PARD3B: variants seen among roughly 807,000 people sequenced by gnomAD.
PARD3B encodes par-3 family cell polarity regulator beta.
A neutral mutation model predicts 130.2 loss-of-function variants in PARD3B; 103 were observed. The ratio of observed to expected loss-of-function variants is 0.79; its 90% CI spans 0.67 to 0.93. The LOEUF is 0.93. PARD3B is among the 40% of genes least tolerant of loss of function. The probability of loss-of-function intolerance (pLI) is 0.00; values close to 1 mark genes in which losing one functional copy is unlikely to be tolerated. For synonymous variants in PARD3B, 583 were observed against 553.2 expected (o/e 1.05, Z -0.76); for missense variants, 1,609 against 1,499.2 (o/e 1.07, Z -1.21).
intron 2 of PARD3B, among the ~76,000 whole-genome samples, chr2:204,746,606 A>C (rs2040240276): frequency 6.6e-6 from 1 of 152,092 alleles, no homozygotes; most frequent in Admixed American, 6.5e-5. Flanking sequence ...AACGGTGTAA[A>C]AGTGTTCCTA....
At chr2:204,556,555 T>G (rs2030936772) in intron 1 of PARD3B, among the ~76,000 whole-genome samples, 1 of 152,104 alleles carries the variant, frequency 6.6e-6, no homozygotes, top group African/African-American at 2.4e-5. Context: ...AAAAGTGAGA[T>G]AAGACATTCT....
intron 1 of PARD3B, among the ~76,000 whole-genome samples, chr2:204,637,428 A>C (rs1276220880): frequency 6.6e-6 from 1 of 152,124 alleles, no homozygotes; most frequent in East Asian, 1.9e-4. Flanking sequence ...ATACCTGTAG[A>C]TTTAATATAC....
rs1353331790 is a variant in PARD3B at position 205,276,958 on chromosome 2, T to A, written c.2186-23572T>A. ...AGAGAATTTGTGTGGAACACCTAGCTCCATTTCTGGCACCTAGGACAACCT... is the reference window on the plus strand; with the variant it reads ...AGAGAATTTGTGTGGAACACCTAGCACCATTTCTGGCACCTAGGACAACCT... On this transcript the variant is annotated intron_variant, in intron 16 of 22. Transcript: ENST00000406610. The surrounding 1 kb of genome is among the most constrained non-coding windows in gnomAD (Gnocchi z 5.0). Among the ~76,000 whole-genome samples the A allele has an allele frequency of 6.6e-6, 1 of 152,206 alleles. No homozygotes were observed. The highest frequency in any genetic ancestry group is 2.4e-5 in the African/African-American group (1 of 41,452).
intron 18 of PARD3B, among the ~76,000 whole-genome samples, chr2:205,359,262 G>T (rs953069084): frequency 6.6e-6 from 1 of 152,096 alleles, no homozygotes; most frequent in African/African-American, 2.4e-5. Context: ...CATCTGTTCT[G>T]CTTTTAGGAC....
chr2:205,370,769 A>T (rs1288814244), intron 18 of PARD3B, among the ~76,000 whole-genome samples: 1 of 152,216 alleles, frequency 6.6e-6, no homozygotes, highest in African/African-American at 2.4e-5. Context: ...GGAGAAGAAG[A>T]GCACTTTAAG....
At chr2:205,275,719 C>A (rs1239936443) in intron 16 of PARD3B, among the ~76,000 whole-genome samples, 5 of 151,576 alleles carry the variant, frequency 3.3e-5, no homozygotes, top group African/African-American at 1.2e-4. Flanking sequence ...CACCTGTAAT[C>A]CCAGCTACTC....
chr2:205,156,293 A>T (rs554682377), intron 10 of PARD3B, among the ~76,000 whole-genome samples: 23 of 149,650 alleles, frequency 1.5e-4, no homozygotes, highest in South Asian at 6.4e-4. Context: ...GAATAGCATT[A>T]GGAGATATAC....
chr2:205,394,083 A>G (rs1248148381), intron 18 of PARD3B, among the ~76,000 whole-genome samples: 1 of 152,162 alleles, frequency 6.6e-6, no homozygotes, highest in Non-Finnish European at 1.5e-5. Flanking sequence ...TTCTGTGTGC[A>G]TTGGCTATTG....
chr2:205,355,055 T>C (rs2044141909), intron 18 of PARD3B, among the ~76,000 whole-genome samples: 1 of 152,188 alleles, frequency 6.6e-6, no homozygotes. Context: ...ACCCTTCCCA[T>C]TGGCCAAGAG....
rs2036166664 is a variant in PARD3B, at chr2:204,669,255, A to AT, written c.121-16921dup. On this transcript the variant is annotated intron_variant, in intron 1 of 22. Transcript: ENST00000406610. The surrounding 1 kb of genome is among the most constrained non-coding windows in gnomAD (Gnocchi z 4.3). ...ACATTCTAGATACCAGGCATTTATAATTTTTCCTAGAAGAGTTAGCCTATT... is the reference window on the plus strand; with the variant it reads ...ACATTCTAGATACCAGGCATTTATAATTTTTTCCTAGAAGAGTTAGCCTATT... Among the ~76,000 whole-genome samples, 1 of 152,080 alleles carries AT rather than the reference A, an allele frequency of 6.6e-6. No homozygotes were observed. Among genetic ancestry groups the AT allele is most frequent in the African/African-American group, 2.4e-5 (1 of 41,412 alleles).
rs543828666 is a variant in PARD3B at position 204,678,152 on chromosome 2, G to A, written c.121-8029G>A. ...GATGAGGGGTGGCTCCTTTGCAGCCGAGCTCAAACCGCTTGTGGGAGGGGG... is the reference window on the plus strand; with the variant it reads ...GATGAGGGGTGGCTCCTTTGCAGCCAAGCTCAAACCGCTTGTGGGAGGGGG... On this transcript the variant is annotated intron_variant, in intron 1 of 22. Coordinates refer to ENST00000406610, the MANE Select transcript of PARD3B (RefSeq NM_001302769.2). This position sits in a 1 kb window ranked among gnomAD's most constrained non-coding sequence, Gnocchi z 4.2. Among the ~76,000 whole-genome samples, 2 of 152,118 alleles carry A rather than the reference G, an allele frequency of 1.3e-5. No homozygotes were observed. Among genetic ancestry groups the A allele is most frequent in the Admixed American group, 6.5e-5 (1 of 15,274 alleles).
chr2:204,618,202 G>A lies in PARD3B; in HGVS notation c.121-67979G>A, dbSNP rs1270567409. On this transcript the variant is annotated intron_variant, in intron 1 of 22. Coordinates refer to ENST00000406610, the MANE Select transcript of PARD3B (RefSeq NM_001302769.2). ...CTTACTGGGCCATGTTTATGTCCTAGAATTTTCACCCGGGATCACAAACTA... is the reference window on the plus strand; with the variant it reads ...CTTACTGGGCCATGTTTATGTCCTAAAATTTTCACCCGGGATCACAAACTA... Among the ~76,000 whole-genome samples, 7 of 152,094 alleles carry A rather than the reference G, an allele frequency of 4.6e-5. No individual in the cohort carries two copies. The East Asian group carries it at 1.3e-3, about 29-fold the overall frequency.
At chr2:205,248,422 G>T (rs1490226047) in intron 16 of PARD3B, among the ~76,000 whole-genome samples, 3 of 151,546 alleles carry the variant, frequency 2.0e-5, no homozygotes, top group Non-Finnish European at 4.4e-5. Flanking sequence ...GGTGGCGGCA[G>T]CAGCAGCAGC....
intron 2 of PARD3B, among the ~76,000 whole-genome samples, chr2:204,785,856 A>G (rs1010116625): frequency 2.0e-5 from 3 of 152,180 alleles, no homozygotes; most frequent in African/African-American, 4.8e-5. Context: ...GCTCACGCCT[A>G]TAATCTCAGC....
chr2:205,045,499 C>T (rs184831207), intron 3 of PARD3B, among the ~76,000 whole-genome samples: 44 of 152,026 alleles, frequency 2.9e-4, no homozygotes, highest in South Asian at 1.7e-3. Context: ...CCACTTGCCT[C>T]GGCCTCCCAA....
At chr2:205,086,411 T>A (rs754886885) in intron 4 of PARD3B, among the ~76,000 whole-genome samples, 39 of 152,152 alleles carry the variant, frequency 2.6e-4, no homozygotes, top group Non-Finnish European at 4.1e-4. Context: ...GGAGTAAACA[T>A]GTGGCTTATG....
chr2:205,050,285 T>G (rs1699101767), intron 4 of PARD3B, among the ~76,000 whole-genome samples: 1 of 151,666 alleles, frequency 6.6e-6, no homozygotes, highest in African/African-American at 2.4e-5. Flanking sequence ...GAAATGTTTA[T>G]CTGCTCCAAG....
chr2:204,947,749 T>A (rs1689450227), intron 2 of PARD3B, among the ~76,000 whole-genome samples: 1 of 152,184 alleles, frequency 6.6e-6, no homozygotes, highest in Non-Finnish European at 1.5e-5. Context: ...TGAGAGGTTA[T>A]GAAATAACAC....
intron 1 of PARD3B, among the ~76,000 whole-genome samples, chr2:204,622,237 C>T (rs112684455): frequency 2.8e-4 from 42 of 152,300 alleles, no homozygotes; most frequent in Non-Finnish European, 5.3e-4. Flanking sequence ...AACACGCAAC[C>T]AGCATTTCTG....
Sources: allele counts gnomAD v4.1 joint callset (sites outside exome capture counted in the v4.1 genomes callset), GRCh38; gene constraint gnomAD v4.1.1; non-coding constraint Gnocchi (gnomAD v3.1); transcripts MANE v1.5; gene names NCBI Gene and HGNC (gene_info 2026-07-23, HGNC 2026-07-21).